Variants in PDE3B observed in about 807,000 individuals in gnomAD.
PDE3B encodes the protein cGMP-inhibited 3',5'-cyclic phosphodiesterase 3B.
Under a neutral mutation model 116.8 loss-of-function variants are expected in PDE3B, and 66 were observed. The observed-to-expected ratio is 0.56, with a 90% confidence interval of 0.46 to 0.69. The LOEUF is 0.69. Ranked by LOEUF, PDE3B falls within the 30% of genes least tolerant of loss-of-function variation. The pLI is 0.00. For synonymous variants in PDE3B, 595 were observed against 533.6 expected (o/e 1.12, Z -1.59); for missense variants, 1,384 against 1,368.1 (o/e 1.01, Z -0.18).
chr11:14,836,296 G>T (rs1366168105), intron 11 of PDE3B, among the ~76,000 whole-genome samples: 1 of 152,098 alleles, frequency 6.6e-6, no homozygotes, highest in Non-Finnish European at 1.5e-5. Flanking sequence ...TTGCTGACAA[G>T]TCAAGACTTA....
chr11:14,844,790 G>A (rs898214280), intron 12 of PDE3B, among the ~76,000 whole-genome samples: 3 of 152,228 alleles, frequency 2.0e-5, no homozygotes, highest in East Asian at 1.9e-4. Flanking sequence ...GGGAAAGGGC[G>A]CCCGCCATTG....
intron 1 of PDE3B, among the ~76,000 whole-genome samples, chr11:14,671,625 G>C (rs1414974154): frequency 6.6e-6 from 1 of 152,278 alleles, no homozygotes; most frequent in East Asian, 1.9e-4. Flanking sequence ...TAGAGTGGAA[G>C]CAGGAAGATA....
intron 12 of PDE3B, among the ~76,000 whole-genome samples, chr11:14,857,109 G>GA (rs1407602128): frequency 3.9e-5 from 6 of 152,188 alleles, no homozygotes; most frequent in Non-Finnish European, 8.8e-5. Context: ...CTCAGAGGGT[G>GA]AAAAGTAAGA....
chr11:14,644,772 T>G lies in PDE3B; in HGVS notation c.697T>G (p.Ser233Ala). The change falls in exon 1 of 16, where the codon TCC (serine) becomes GCC (alanine). Residue 233 changes from serine (S) to alanine (A), a missense_variant. Ser to Ala is a moderately conservative substitution (Grantham distance 99). This residue lies in a region of PDE3B where 956 missense variants were observed against 806.8 expected (regional missense o/e 1.18). Coordinates refer to ENST00000282096, the MANE Select transcript of PDE3B (RefSeq NM_000922.4). ...LLLASFVWWV[S>A]FTSLGSLPSA... ...CCTGGCCAGCTTCGTCTGGTGGGTC[T>G]CCTTCACCAGCCTCGGGTCGCTGCC... The G allele has an allele frequency of 6.2e-7, 1 of 1,606,186 alleles. No homozygotes were observed.
intron 3 of PDE3B, among the ~76,000 whole-genome samples, chr11:14,788,773 T>C (rs1858291681): frequency 6.6e-6 from 1 of 151,982 alleles, no homozygotes. Flanking sequence ...GATTGTCCTC[T>C]GAAGTTGATT....
intron 5 of PDE3B, among the ~76,000 whole-genome samples, chr11:14,809,374 C>T (rs1859053793): frequency 6.6e-6 from 1 of 152,238 alleles, no homozygotes; most frequent in Non-Finnish European, 1.5e-5. Flanking sequence ...CGTGGCTTAA[C>T]CATACAGTAG....
chr11:14,699,152 T>A (rs1400285360), intron 1 of PDE3B: 2 of 151,962 alleles, frequency 1.3e-5, no homozygotes, highest in African/African-American at 2.4e-5. Flanking sequence ...TATTTCTGTG[T>A]GAGAACAAAT....
chr11:14,775,110 C>T (rs758907904), intron 2 of PDE3B: 1 of 152,144 alleles, frequency 6.6e-6, no homozygotes, highest in Non-Finnish European at 1.5e-5. Context: ...CCTTAACTTA[C>T]TTTATTTTCT....
chr11:14,844,468 G>A (rs1847545085), intron 12 of PDE3B, among the ~76,000 whole-genome samples: 1 of 152,242 alleles, frequency 6.6e-6, no homozygotes, highest in Non-Finnish European at 1.5e-5. Context: ...TCACTAGGGA[G>A]TGCCAGACAG....
rs1859465937 is a variant in PDE3B at position 14,819,908 on chromosome 11, G to A, written c.1807+699G>A. On this transcript the variant is annotated intron_variant, in intron 7 of 15. Coordinates refer to ENST00000282096, the MANE Select transcript of PDE3B (RefSeq NM_000922.4). The stretch of plus-strand genomic sequence containing the variant: ...CAGAGACCAATGACTGATAGGATGA[G>A]CAATTTTATTAGCAGCTTCATGGGG... Among the ~76,000 whole-genome samples the A allele has an allele frequency of 4.6e-5, 7 of 152,218 alleles. No individual in the cohort carries two copies. In the South Asian group the frequency reaches 1.5e-3, roughly 32 times the overall value.
intron 7 of PDE3B, among the ~76,000 whole-genome samples, chr11:14,829,414 G>T (rs747271265): frequency 7.2e-5 from 11 of 152,068 alleles, no homozygotes; most frequent in Admixed American, 2.0e-4. Flanking sequence ...TATAGTTTGG[G>T]CTCTATCTTA....
chr11:14,793,616 T>C (rs1337512836), intron 4 of PDE3B, among the ~76,000 whole-genome samples: 1 of 152,146 alleles, frequency 6.6e-6, no homozygotes, highest in African/African-American at 2.4e-5. Flanking sequence ...AAACAGCATA[T>C]ATTCAGGGCT....
intron 5 of PDE3B, among the ~76,000 whole-genome samples, chr11:14,817,478 A>T (rs1002129327): frequency 6.6e-6 from 1 of 152,198 alleles, no homozygotes; most frequent in Non-Finnish European, 1.5e-5. Flanking sequence ...GGCCAGATGC[A>T]GTGGCTTAAG....
At chr11:14,666,801 T>G (rs1854168627) in intron 1 of PDE3B, among the ~76,000 whole-genome samples, 1 of 152,132 alleles carries the variant, frequency 6.6e-6, no homozygotes, top group Non-Finnish European at 1.5e-5. Flanking sequence ...CTGGAGAGGA[T>G]GTGGAGAAAT....
chr11:14,862,558 A>G (rs1555007369), intron 14 of PDE3B, among the ~76,000 whole-genome samples: 4 of 152,102 alleles, frequency 2.6e-5, no homozygotes, highest in African/African-American at 9.7e-5. Context: ...ATTCAAAGAT[A>G]TAAGCAGGCT....
At chr11:14,807,019 A>G (rs1019348438) in intron 5 of PDE3B, among the ~76,000 whole-genome samples, 1 of 152,120 alleles carries the variant, frequency 6.6e-6, no homozygotes, top group Admixed American at 6.5e-5. Flanking sequence ...AGAAAACTAA[A>G]CACCGCATGT....
Position 14,807,948 on chromosome 11 carries a change from T to C in PDE3B, c.1522+3898T>C, listed in dbSNP as rs1227036230. Among the ~76,000 whole-genome samples the C allele has an allele frequency of 2.6e-5, 4 of 151,642 alleles. No individual in the cohort carries two copies. The East Asian group carries it at 7.7e-4, about 29-fold the overall frequency. On this transcript the variant is annotated intron_variant, in intron 5 of 15. Transcript: ENST00000282096. ...GGTGGTGGGCGCCTGTAATCCCAGCTACTCGGGAGGTTGAGGCACGAGAAT... is the reference window on the plus strand; with the variant it reads ...GGTGGTGGGCGCCTGTAATCCCAGCCACTCGGGAGGTTGAGGCACGAGAAT...
At chr11:14,862,696 C>G (rs1463153409) in intron 14 of PDE3B, among the ~76,000 whole-genome samples, 1 of 152,100 alleles carries the variant, frequency 6.6e-6, no homozygotes, top group Non-Finnish European at 1.5e-5. Context: ...GCTTCAGCCT[C>G]CTGAGTAGCT....
intron 1 of PDE3B, among the ~76,000 whole-genome samples, chr11:14,726,207 T>C (rs1193713288): frequency 1.3e-5 from 2 of 152,218 alleles, no homozygotes; most frequent in African/African-American, 4.8e-5. Flanking sequence ...TAAGCCTTCT[T>C]TGACACCTGC....
Sources: allele counts gnomAD v4.1 joint callset (sites outside exome capture counted in the v4.1 genomes callset), GRCh38; gene constraint gnomAD v4.1.1; regional missense constraint gnomAD v4.1.1; transcripts MANE v1.5; gene names NCBI Gene and HGNC (gene_info 2026-07-23, HGNC 2026-07-21).